The following SRGAP3 variants were observed in gnomAD, a reference collection of about 807,000 sequenced individuals.
The protein encoded by SRGAP3 is SLIT-ROBO Rho GTPase activating protein 3.
SRGAP3 carries 39 observed loss-of-function variants against 121.1 expected under a neutral mutation model. That is an observed-to-expected ratio of 0.32 (90% CI 0.25 to 0.42). SRGAP3 has a LOEUF of 0.42. SRGAP3 is among the 10% of genes least tolerant of loss of function. The pLI is 1.00. For synonymous variants in SRGAP3, 601 were observed against 570.0 expected (o/e 1.05, Z -0.77); for missense variants, 1,213 against 1,470.6 (o/e 0.82, Z 2.86).
intron 2 of SRGAP3, among the ~76,000 whole-genome samples, chr3:9,107,260 C>T (rs1948450607): frequency 6.6e-6 from 1 of 152,120 alleles, no homozygotes; most frequent in Admixed American, 6.5e-5. Context: ...CAAAGGTGGC[C>T]GTGATGCACA....
chr3:9,274,757 T>A (rs1470412732), intron 3 of SRGAP3, among the ~76,000 whole-genome samples: 1 of 152,090 alleles, frequency 6.6e-6, no homozygotes, highest in African/African-American at 2.4e-5. Flanking sequence ...GGTGACAGAG[T>A]GGGAAGGTAA....
chr3:9,052,354 G>T (rs1434649476), intron 9 of SRGAP3, among the ~76,000 whole-genome samples: 1 of 152,122 alleles, frequency 6.6e-6, no homozygotes, highest in African/African-American at 2.4e-5. Flanking sequence ...CAAACAAAAG[G>T]GCTGTCTGGG....
chr3:9,287,250 G>A (rs925427344), intron 3 of SRGAP3, among the ~76,000 whole-genome samples: 5 of 151,454 alleles, frequency 3.3e-5, no homozygotes, highest in Admixed American at 6.6e-5. Flanking sequence ...CCTCACCCTC[G>A]TGAACTGCTG....
At chr3:9,010,257 T>C (rs2125018694) in intron 18 of SRGAP3, 51 bp downstream of exon 18, 1 of 1,606,294 alleles carries the variant, frequency 6.2e-7, no homozygotes, top group African/African-American at 1.3e-5. Context: ...CAAAAGTCAG[T>C]GTGAGAGGCC....
At chr3:9,273,072 G>A (rs1954510211) in intron 3 of SRGAP3, among the ~76,000 whole-genome samples, 2 of 152,180 alleles carry the variant, frequency 1.3e-5, no homozygotes, top group Admixed American at 6.5e-5. Context: ...GTTGCAAGGA[G>A]ATGGTTTTGG....
intron 16 of SRGAP3, 43 bp downstream of exon 16, chr3:9,013,694 G>A: frequency 6.2e-7 from 1 of 1,604,550 alleles, no homozygotes; most frequent in Non-Finnish European, 8.5e-7. Flanking sequence ...CCCAAAAGAG[G>A]CCAGGCCTGA....
chr3:9,174,017 G>C (rs1419653981), intron 1 of SRGAP3, among the ~76,000 whole-genome samples: 3 of 150,504 alleles, frequency 2.0e-5, no homozygotes, highest in African/African-American at 7.3e-5. Flanking sequence ...AACCAGATGC[G>C]GTCTAGGCAC....
chr3:9,283,190 C>G (rs1048711517), intron 3 of SRGAP3, among the ~76,000 whole-genome samples: 1 of 152,158 alleles, frequency 6.6e-6, no homozygotes, highest in Admixed American at 6.5e-5. Flanking sequence ...ATCCACCCCC[C>G]CTCGGCCTCC....
intron 4 of SRGAP3, among the ~76,000 whole-genome samples, chr3:9,070,199 A>C (rs905321043): frequency 6.6e-6 from 1 of 152,220 alleles, no homozygotes; most frequent in Non-Finnish European, 1.5e-5. Flanking sequence ...AGGCAAACAG[A>C]ATCTGGAAGT....
At chr3:9,101,167 G>A (rs1560148978) in intron 3 of SRGAP3, among the ~76,000 whole-genome samples, 1 of 152,214 alleles carries the variant, frequency 6.6e-6, no homozygotes, top group South Asian at 2.1e-4. Flanking sequence ...GGTAAGGAGC[G>A]TTCTTTATTG....
chr3:9,078,487 C>G (rs1397620600), intron 4 of SRGAP3, among the ~76,000 whole-genome samples: 1 of 152,134 alleles, frequency 6.6e-6, no homozygotes, highest in Non-Finnish European at 1.5e-5. Context: ...CAACAGCCTA[C>G]CTCACACCCA....
intron 1 of SRGAP3, among the ~76,000 whole-genome samples, chr3:9,340,665 T>C (rs1955771037): frequency 7.4e-6 from 1 of 135,314 alleles, no homozygotes; most frequent in Admixed American, 6.8e-5. Flanking sequence ...ATCCAGTAGT[T>C]TTTTTACTTG....
chr3:9,096,308 A>T lies in SRGAP3; in HGVS notation c.423+8372T>A, dbSNP rs529293086. ...ATGACAATGACAGCATCACTTATCA[A>T]AACTTCTGGGATGCAGCTAATTTGT... On this transcript the variant is annotated intron_variant, in intron 3 of 21. Coordinates refer to ENST00000383836, the MANE Select transcript of SRGAP3 (RefSeq NM_014850.4). Among the ~76,000 whole-genome samples the T allele has an allele frequency of 2.0e-5, 3 of 152,312 alleles. No individual in the cohort carries two copies. The South Asian group carries it at 6.2e-4, about 32-fold the overall frequency.
intron 2 of SRGAP3, among the ~76,000 whole-genome samples, chr3:9,120,431 G>T (rs2124966202): frequency 6.6e-6 from 1 of 152,336 alleles, no homozygotes; most frequent in Non-Finnish European, 1.5e-5. Flanking sequence ...TCAGTATCTG[G>T]CAGCAGAAAT....
At chr3:9,237,173 A>G (rs1953444320) in intron 1 of SRGAP3, among the ~76,000 whole-genome samples, 1 of 152,220 alleles carries the variant, frequency 6.6e-6, no homozygotes, top group South Asian at 2.1e-4. Context: ...TTGTATGCAA[A>G]GTCCATCACA....
intron 1 of SRGAP3, among the ~76,000 whole-genome samples, chr3:9,156,545 A>G (rs2125066803): frequency 6.6e-6 from 1 of 152,320 alleles, no homozygotes; most frequent in African/African-American, 2.4e-5. Flanking sequence ...ATCAATCCAG[A>G]GAAGCTTTCT....
At chr3:9,294,982 C>A (rs1222891351) in intron 3 of SRGAP3, among the ~76,000 whole-genome samples, 2 of 152,046 alleles carry the variant, frequency 1.3e-5, no homozygotes, top group Non-Finnish European at 2.9e-5. Flanking sequence ...AATAGTTCCA[C>A]GAAGGAAACT....
chr3:9,199,091 A>G (rs1202331815), intron 1 of SRGAP3, among the ~76,000 whole-genome samples: 2 of 152,078 alleles, frequency 1.3e-5, no homozygotes, highest in Admixed American at 6.6e-5. Context: ...TAAGCCAGCT[A>G]TCTCCAATCC....
chr3:9,010,476 C>T, intron 17 of SRGAP3, 89 bp from the exon 18 acceptor site: 1 of 1,431,170 alleles, frequency 7.0e-7, no homozygotes, highest in Non-Finnish European at 9.9e-7. Context: ...CAGTTGGCCT[C>T]TGGGCCCTCC....
Sources: allele counts gnomAD v4.1 joint callset (sites outside exome capture counted in the v4.1 genomes callset), GRCh38; gene constraint gnomAD v4.1.1; transcripts MANE v1.5; gene names NCBI Gene and HGNC (gene_info 2026-07-23, HGNC 2026-07-21).